RABGAP1L: variants seen among roughly 807,000 people sequenced by gnomAD.
RABGAP1L encodes rab GTPase-activating protein 1-like.
A neutral mutation model predicts 137.7 loss-of-function variants in RABGAP1L; 63 were observed. The observed-to-expected ratio is 0.46, with a 90% confidence interval of 0.37 to 0.56. The LOEUF (loss-of-function observed/expected upper bound fraction) is 0.56, where lower values mean the gene tolerates loss of function less well. Among genes scored for constraint, RABGAP1L ranks in the 20% least tolerant of loss-of-function variants. RABGAP1L has a pLI of 0.00. For missense variants in RABGAP1L, 1,095 were observed against 1,244.0 expected, an observed-to-expected ratio of 0.88 and a Z score of 1.80; for synonymous variants, 431 against 433.7, an observed-to-expected ratio of 0.99 and a Z score of 0.08.
intron 13 of RABGAP1L, among the ~76,000 whole-genome samples, chr1:174,556,260 T>C (rs1208282237): frequency 6.6e-6 from 1 of 152,148 alleles, no homozygotes; most frequent in African/African-American, 2.4e-5. Context: ...CTCCACAAAG[T>C]GCTGGGATTA....
intron 18 of RABGAP1L, among the ~76,000 whole-genome samples, chr1:174,769,511 A>G (rs1266279249): frequency 1.3e-5 from 2 of 152,226 alleles, no homozygotes; most frequent in East Asian, 1.9e-4. Flanking sequence ...GAAGAATTCA[A>G]GCTCCTCTAT....
intron 13 of RABGAP1L, among the ~76,000 whole-genome samples, chr1:174,540,103 G>A (rs1665249830): frequency 6.6e-6 from 1 of 152,182 alleles, no homozygotes; most frequent in South Asian, 2.1e-4. Context: ...TTTGAGAAGT[G>A]TCTGTTCATA....
chr1:174,754,702 A>G lies in RABGAP1L; in HGVS notation c.2211+2348A>G, dbSNP rs746319895. Among the ~76,000 whole-genome samples the G allele has an allele frequency of 6.6e-5, 10 of 152,160 alleles. No individual in the cohort carries two copies. The South Asian group carries it at 8.3e-4, about 13-fold the overall frequency. ...ATATTGTAGAGACAGGGGTCTCACT[A>G]TGTTGCTCAGGCTGGTCTCAAACTC... On this transcript the variant is annotated intron_variant, in intron 18 of 25. Transcript: ENST00000681986.
intron 13 of RABGAP1L, among the ~76,000 whole-genome samples, chr1:174,405,562 T>C (rs1649161839): frequency 6.6e-6 from 1 of 152,154 alleles, no homozygotes; most frequent in Admixed American, 6.5e-5. Flanking sequence ...CATCAGAAAA[T>C]GTATAGTTAC....
intron 19 of RABGAP1L, among the ~76,000 whole-genome samples, chr1:174,879,465 C>A (rs1653790019): frequency 6.6e-6 from 1 of 151,788 alleles, no homozygotes. Flanking sequence ...AAACTTCTGA[C>A]CTCATGATCC....
intron 10 of RABGAP1L, among the ~76,000 whole-genome samples, chr1:174,301,865 G>T (rs1677736357): frequency 6.6e-6 from 1 of 152,230 alleles, no homozygotes; most frequent in Admixed American, 6.5e-5. Context: ...GAAGGCTGGG[G>T]ATCAATCAGA....
chr1:174,191,903 T>C (rs1300844509), intron 1 of RABGAP1L, among the ~76,000 whole-genome samples: 1 of 152,204 alleles, frequency 6.6e-6, no homozygotes, highest in East Asian at 1.9e-4. Context: ...ACATCTACAT[T>C]AATCAGTGGA....
chr1:174,598,886 C>G (rs550199033), intron 13 of RABGAP1L, among the ~76,000 whole-genome samples: 1 of 152,000 alleles, frequency 6.6e-6, no homozygotes, highest in Non-Finnish European at 1.5e-5. Context: ...TGATTGGAGA[C>G]TTTAGTTCAC....
chr1:174,662,018 A>G (rs2148421533), intron 14 of RABGAP1L, among the ~76,000 whole-genome samples: 1 of 151,362 alleles, frequency 6.6e-6, no homozygotes, highest in Non-Finnish European at 1.5e-5. Flanking sequence ...TTATTTTAGG[A>G]TGTATTTCTT....
chr1:174,397,644 G>A (rs1443627945), intron 13 of RABGAP1L, among the ~76,000 whole-genome samples: 2 of 152,136 alleles, frequency 1.3e-5, no homozygotes, highest in Non-Finnish European at 2.9e-5. Context: ...TGATACACTT[G>A]GCATGTATTT....
chr1:174,601,529 G>A (rs2148173283), intron 13 of RABGAP1L, among the ~76,000 whole-genome samples: 1 of 152,218 alleles, frequency 6.6e-6, no homozygotes, highest in Non-Finnish European at 1.5e-5. Context: ...ATAGCATTAG[G>A]AGAAATACCT....
chr1:174,853,010 T>C (rs553094036), intron 19 of RABGAP1L, among the ~76,000 whole-genome samples: 1 of 152,160 alleles, frequency 6.6e-6, no homozygotes, highest in Non-Finnish European at 1.5e-5. Flanking sequence ...AAATTAAATA[T>C]TTTGCTTTGT....
intron 11 of RABGAP1L, among the ~76,000 whole-genome samples, chr1:174,350,585 G>T (rs1485716378): frequency 8.6e-6 from 1 of 115,710 alleles, no homozygotes; most frequent in Admixed American, 8.4e-5. Context: ...CGGCCGGGCA[G>T]AGACGCTCCT....
intron 10 of RABGAP1L, among the ~76,000 whole-genome samples, chr1:174,292,295 G>A (rs887457930): frequency 2.8e-5 from 4 of 143,358 alleles, no homozygotes; most frequent in Non-Finnish European, 6.0e-5. Context: ...CAAAGTGCTA[G>A]GATTACAGGT....
intron 13 of RABGAP1L, among the ~76,000 whole-genome samples, chr1:174,453,173 C>A (rs1196903203): frequency 1.3e-5 from 2 of 152,158 alleles, no homozygotes; most frequent in Non-Finnish European, 2.9e-5. Context: ...CTTTATTACA[C>A]TAAATATGCT....
At chr1:174,706,595 A>G (rs1241665381) in intron 17 of RABGAP1L, among the ~76,000 whole-genome samples, 2 of 152,204 alleles carry the variant, frequency 1.3e-5, no homozygotes, top group Non-Finnish European at 1.5e-5. Flanking sequence ...AACAGATAAA[A>G]GAAAATTTGC....
At chr1:174,416,392 C>A (rs925094536) in intron 13 of RABGAP1L, among the ~76,000 whole-genome samples, 1 of 151,762 alleles carries the variant, frequency 6.6e-6, no homozygotes, top group African/African-American at 2.4e-5. Context: ...TGCTTATGTC[C>A]CAGTTAAAAG....
At chr1:174,921,053 G>A (rs1176918637) in intron 19 of RABGAP1L, among the ~76,000 whole-genome samples, 1 of 152,158 alleles carries the variant, frequency 6.6e-6, no homozygotes, top group Admixed American at 6.5e-5. Context: ...TTCCTAAGTG[G>A]CTGGGATTAC....
intron 19 of RABGAP1L, chr1:174,874,332 G>A (rs1652713793): frequency 3.7e-6 from 1 of 272,052 alleles, no homozygotes. Context: ...TGGAAACCAG[G>A]AATCTATTCT....
Sources: gnomAD v4.1 joint callset for allele counts (sites outside exome capture counted in the v4.1 genomes callset) on GRCh38, gnomAD v4.1.1 for gene constraint, MANE v1.5 for transcripts, NCBI Gene and HGNC (gene_info 2026-07-23, HGNC 2026-07-21) for gene names.